Variants in LOC128462377 observed in about 807,000 individuals in gnomAD.
the LOC128462377 span, among the ~76,000 whole-genome samples, chr16:89,348,821 C>T: frequency 6.6e-6 from 1 of 150,612 alleles, no homozygotes; most frequent in Non-Finnish European, 1.5e-5. Context: ...AAATTTGTTG[C>T]TTCTTTTTCT....
At chr16:89,320,044 T>C in the LOC128462377 span, 1 of 152,316 alleles carries the variant, frequency 6.6e-6, no homozygotes, top group African/African-American at 2.4e-5. Flanking sequence ...CAGTGACTTC[T>C]ACCAGGGGCT....
At chr16:89,417,656 G>A in the LOC128462377 span, among the ~76,000 whole-genome samples, 9 of 152,146 alleles carry the variant, frequency 5.9e-5, no homozygotes, top group Non-Finnish European at 1.3e-4. Flanking sequence ...CATCTAGAGG[G>A]TTCAGCAACA....
chr16:89,397,056 T>C, the LOC128462377 span, among the ~76,000 whole-genome samples: 19 of 152,184 alleles, frequency 1.2e-4, 1 homozygote, highest in East Asian at 3.3e-3. Context: ...GCTGCTTATA[T>C]GCAATGGGCT....
chr16:89,417,265 G>T, the LOC128462377 span, among the ~76,000 whole-genome samples: 3 of 152,206 alleles, frequency 2.0e-5, no homozygotes, highest in African/African-American at 7.2e-5. Context: ...GTTCTTTCAC[G>T]TTTGCTGGGA....
At chr16:89,340,346 C>T in the LOC128462377 span, among the ~76,000 whole-genome samples, 10 of 152,344 alleles carry the variant, frequency 6.6e-5, no homozygotes, top group South Asian at 1.4e-3. Flanking sequence ...GGCACCATCT[C>T]GGCTCACTGC....
At chr16:89,375,260 C>T in the LOC128462377 span, among the ~76,000 whole-genome samples, 1 of 152,148 alleles carries the variant, frequency 6.6e-6, no homozygotes, top group Non-Finnish European at 1.5e-5. Context: ...AGCAGCTGGT[C>T]TCTCCAGAAA....
the LOC128462377 span, among the ~76,000 whole-genome samples, chr16:89,356,790 A>AG: frequency 1.7e-3 from 255 of 151,302 alleles, 2 homozygotes; most frequent in African/African-American, 5.9e-3. Flanking sequence ...CAAAAAAAAA[A>AG]AAAAAGAAAA....
the LOC128462377 span, among the ~76,000 whole-genome samples, chr16:89,328,604 G>C: frequency 6.6e-6 from 1 of 151,220 alleles, no homozygotes; most frequent in South Asian, 2.1e-4. Flanking sequence ...TGAATCTGCA[G>C]AGGCCCCTGC....
chr16:89,341,832 G>C, the LOC128462377 span, among the ~76,000 whole-genome samples: 10 of 152,022 alleles, frequency 6.6e-5, no homozygotes, highest in Non-Finnish European at 2.9e-5. Context: ...AGCAGCCACG[G>C]CCCACGGCGG....
chr16:89,361,567 T>A, the LOC128462377 span: 1 of 152,262 alleles, frequency 6.6e-6, no homozygotes, highest in African/African-American at 2.4e-5. Flanking sequence ...AACATCCGCA[T>A]CACCAGAAGG....
the LOC128462377 span, among the ~76,000 whole-genome samples, chr16:89,346,755 T>A: frequency 6.6e-6 from 1 of 152,182 alleles, no homozygotes; most frequent in Non-Finnish European, 1.5e-5. Flanking sequence ...GGAAATGTAT[T>A]TATATTTATC....
At chr16:89,339,483 C>A in the LOC128462377 span, among the ~76,000 whole-genome samples, 1 of 152,030 alleles carries the variant, frequency 6.6e-6, no homozygotes, top group Non-Finnish European at 1.5e-5. Context: ...GTGCACGCAG[C>A]GCATGTGAAG....
the LOC128462377 span, among the ~76,000 whole-genome samples, chr16:89,344,085 A>G: frequency 6.6e-6 from 1 of 152,026 alleles, no homozygotes; most frequent in Non-Finnish European, 1.5e-5. Context: ...TTGGTGCAGG[A>G]CTTCCCGGGC....
At chr16:89,372,078 G>A in the LOC128462377 span, among the ~76,000 whole-genome samples, 3 of 152,202 alleles carry the variant, frequency 2.0e-5, no homozygotes. Context: ...GTGGACTGAG[G>A]AACCACAAGG....
chr16:89,337,787 G>C, the LOC128462377 span, among the ~76,000 whole-genome samples: 1 of 152,116 alleles, frequency 6.6e-6, no homozygotes, highest in Non-Finnish European at 1.5e-5. Flanking sequence ...GTCTTTCCTA[G>C]GTGGAAAGCA....
the LOC128462377 span, among the ~76,000 whole-genome samples, chr16:89,327,155 G>GT: frequency 9.9e-5 from 15 of 152,202 alleles, no homozygotes; most frequent in Non-Finnish European, 1.6e-4. Flanking sequence ...AGCGAAATAT[G>GT]TAAGGCTGGC....
chr16:89,405,841 G>C, the LOC128462377 span, among the ~76,000 whole-genome samples: 1 of 152,026 alleles, frequency 6.6e-6, no homozygotes, highest in Non-Finnish European at 1.5e-5. Context: ...TCCCAACTTA[G>C]CTCCAGCAAG....
At chr16:89,405,629 C>T in the LOC128462377 span, among the ~76,000 whole-genome samples, 3 of 152,002 alleles carry the variant, frequency 2.0e-5, no homozygotes, top group South Asian at 2.1e-4. Flanking sequence ...CCGCCATGCC[C>T]GGCTTTCTAG....
At chr16:89,413,633 A>C in the LOC128462377 span, among the ~76,000 whole-genome samples, 37 of 152,116 alleles carry the variant, frequency 2.4e-4, no homozygotes, top group Non-Finnish European at 4.6e-4. Flanking sequence ...AAAAAGAAAA[A>C]AATAAAGGAA....
Sources: allele counts gnomAD v4.1 joint callset (sites outside exome capture counted in the v4.1 genomes callset), GRCh38; gene constraint gnomAD v4.1.1; transcripts MANE v1.5.